The following DISP1 variants were observed in gnomAD, a reference collection of about 807,000 sequenced individuals.
The protein encoded by DISP1 is dispatched RND transporter family member 1.
DISP1 carries 30 observed loss-of-function variants against 37.3 expected under a neutral mutation model. The observed-to-expected ratio is 0.80, with a 90% CI of 0.60 to 1.09. DISP1 has a LOEUF of 1.09. Among genes scored for constraint, DISP1 ranks in the 50% least tolerant of loss-of-function variants. The pLI, the probability that DISP1 is intolerant of heterozygous loss-of-function variation, is 0.00. For missense variants in DISP1, 1,598 were observed against 1,879.5 expected (o/e 0.85, Z 2.77); for synonymous variants, 634 against 690.2 (o/e 0.92, Z 1.28).
At position 223,005,255 on chromosome 1, in the gene DISP1, T is replaced by C. The variant is rs777277778; in HGVS notation, c.3858T>C (p.Ser1286=). ...AYKHLNYGPH[S]CQQMGDCLCH... ...AACACTTGAACTATGGCCCACACTCTTGCCAGCAGATGGGGGACTGCTTGT... is the reference window on the plus strand; with the variant it reads ...AACACTTGAACTATGGCCCACACTCCTGCCAGCAGATGGGGGACTGCTTGT... The change falls in exon 9 of 9, where the codon TCT becomes TCC. Residue 1286 remains serine (S), a synonymous_variant. Coordinates refer to ENST00000675850, the MANE Select transcript of DISP1 (RefSeq NM_001377229.1). The C allele has an allele frequency of 2.5e-6, 4 of 1,613,860 alleles. No homozygotes were observed. The African/African-American group carries it at 5.3e-5, about 22-fold the overall frequency.
intron 1 of DISP1, among the ~76,000 whole-genome samples, chr1:222,853,601 G>A (rs1019221275): frequency 1.8e-4 from 28 of 152,160 alleles, no homozygotes; most frequent in African/African-American, 6.8e-4. Flanking sequence ...AACATGGATG[G>A]AGCTGGAGGA....
intron 1 of DISP1, among the ~76,000 whole-genome samples, chr1:222,907,640 G>T (rs1370476119): frequency 2.6e-5 from 4 of 152,180 alleles, no homozygotes; most frequent in African/African-American, 9.7e-5. Flanking sequence ...ATTTCCAACT[G>T]TAAATTGAAT....
chr1:222,843,466 T>C (rs867926518), intron 1 of DISP1, among the ~76,000 whole-genome samples: 11 of 151,718 alleles, frequency 7.3e-5, no homozygotes, highest in Admixed American at 1.3e-4. Context: ...TAGTATGGTA[T>C]GGCTCGTAAA....
At chr1:222,830,626 C>T (rs549997636) in intron 1 of DISP1, among the ~76,000 whole-genome samples, 54 of 152,304 alleles carry the variant, frequency 3.5e-4, no homozygotes, top group African/African-American at 1.2e-3. Context: ...AAGTGATCCA[C>T]CTGCCTCGGT....
At chr1:222,874,592 C>T (rs1373715811) in intron 1 of DISP1, among the ~76,000 whole-genome samples, 3 of 152,088 alleles carry the variant, frequency 2.0e-5, no homozygotes, top group Non-Finnish European at 4.4e-5. Flanking sequence ...GTTCTCGTGC[C>T]TTGGTTTTCA....
At chr1:222,875,091 A>G (rs1163820969) in intron 1 of DISP1, among the ~76,000 whole-genome samples, 1 of 152,130 alleles carries the variant, frequency 6.6e-6, no homozygotes, top group East Asian at 1.9e-4. Context: ...TAGAGGATAG[A>G]AAATGAGAGA....
Position 222,893,579 on chromosome 1 carries a change from C to T in DISP1, c.-158-34851C>T, listed in dbSNP as rs968886932. On this transcript the variant is annotated intron_variant, in intron 1 of 8. Transcript: ENST00000675850. This position sits in a 1 kb window ranked among gnomAD's most constrained non-coding sequence, Gnocchi z 4.3. ...CTGTGGCAGGGCGGGCAGCCCCAGG[C>T]GCCGGCACTGACTCCATGGAAGGCT... 6.6e-6 allele frequency among the ~76,000 whole-genome samples: 1 copy of T among 152,212 alleles called. No individual in the cohort carries two copies. The highest frequency in any genetic ancestry group is 1.5e-5 in the Non-Finnish European group (1 of 68,032).
chr1:222,947,666 A>G (rs888420920), intron 3 of DISP1, among the ~76,000 whole-genome samples: 3 of 152,196 alleles, frequency 2.0e-5, no homozygotes, highest in Non-Finnish European at 4.4e-5. Context: ...CAGCAGTGCA[A>G]AAAGTTCCAG....
At chr1:222,915,284 T>A (rs1265696122) in intron 1 of DISP1, among the ~76,000 whole-genome samples, 1 of 152,218 alleles carries the variant, frequency 6.6e-6, no homozygotes, top group Non-Finnish European at 1.5e-5. Context: ...ATATAGGGGA[T>A]CTGAGCTTGA....
chr1:222,940,081 G>A (rs886975493), intron 2 of DISP1, among the ~76,000 whole-genome samples: 8 of 151,214 alleles, frequency 5.3e-5, no homozygotes, highest in African/African-American at 9.7e-5. Context: ...AGCCGAGATC[G>A]CGCCACTGCA....
chr1:222,975,889 C>T (rs2609366), intron 3 of DISP1, among the ~76,000 whole-genome samples: 39,514 of 152,068 alleles, frequency 0.26, 5,407 homozygotes, highest in Admixed American at 0.3. Context: ...CACTTGCATA[C>T]AGAAATGCTT....
intron 1 of DISP1, among the ~76,000 whole-genome samples, chr1:222,871,465 A>C (rs1669567774): frequency 4.6e-5 from 7 of 152,020 alleles, no homozygotes; most frequent in South Asian, 4.2e-4. Context: ...CTTTTATTTC[A>C]TTGAGCAGTG....
chr1:222,991,986 G>C, intron 6 of DISP1, 27 bp from the exon 7 acceptor site: 1 of 1,554,860 alleles, frequency 6.4e-7, no homozygotes, highest in South Asian at 1.1e-5. Context: ...GAACTTTATT[G>C]AAGATCAAAT....
intron 3 of DISP1, among the ~76,000 whole-genome samples, chr1:222,971,410 GT>G (rs66907723): frequency 6.1e-5 from 9 of 147,614 alleles, no homozygotes; most frequent in East Asian, 2.0e-4. Context: ...CACCCCCCAA[GT>G]TTTTTTTTTT....
At chr1:222,988,137 G>T (rs1037749331) in intron 4 of DISP1, among the ~76,000 whole-genome samples, 1 of 152,132 alleles carries the variant, frequency 6.6e-6, no homozygotes, top group East Asian at 1.9e-4. Flanking sequence ...ATTCTAAAAG[G>T]TTATTCTGTC....
At chr1:222,995,484 T>C (rs1354841145) in intron 8 of DISP1, among the ~76,000 whole-genome samples, 1 of 152,120 alleles carries the variant, frequency 6.6e-6, no homozygotes, top group Non-Finnish European at 1.5e-5. Flanking sequence ...ATAAATACAG[T>C]ATCTATGTAA....
At chr1:222,992,587 C>A (rs897201316) in intron 7 of DISP1, among the ~76,000 whole-genome samples, 1 of 152,036 alleles carries the variant, frequency 6.6e-6, no homozygotes, top group African/African-American at 2.4e-5. Context: ...ATATTAAGAG[C>A]CTTCTGTGTG....
At chr1:222,882,302 T>A (rs1161121121) in intron 1 of DISP1, among the ~76,000 whole-genome samples, 14 of 152,218 alleles carry the variant, frequency 9.2e-5, no homozygotes, top group Non-Finnish European at 2.9e-5. Context: ...TTTTTATCGT[T>A]CAGCCTCTCA....
chr1:222,956,834 TTCACA>T (rs1675635436), intron 3 of DISP1, among the ~76,000 whole-genome samples: 1 of 152,144 alleles, frequency 6.6e-6, no homozygotes, highest in Non-Finnish European at 1.5e-5. Context: ...ATGATTATTA[TTCACA>T]TCTTATTAAG....
Sources: gnomAD v4.1 joint callset for allele counts (sites outside exome capture counted in the v4.1 genomes callset) on GRCh38, gnomAD v4.1.1 for gene constraint, Gnocchi (gnomAD v3.1) non-coding constraint, MANE v1.5 for transcripts, NCBI Gene and HGNC (gene_info 2026-07-23, HGNC 2026-07-21) for gene names.